The following GSE1 variants were observed in gnomAD, a reference collection of about 807,000 sequenced individuals.
GSE1 encodes Gse1 coiled-coil protein.
Under a neutral mutation model 112.6 loss-of-function variants are expected in GSE1, and 32 were observed. The observed-to-expected ratio is 0.28, with a 90% CI of 0.21 to 0.38. The LOEUF is 0.38. GSE1 is among the 10% of genes least tolerant of loss of function. The probability of loss-of-function intolerance (pLI) is 1.00; values close to 1 mark genes in which losing one functional copy is unlikely to be tolerated. For synonymous variants in GSE1, 1,115 were observed against 735.6 expected (o/e 1.52, Z -8.35); for missense variants, 2,348 against 1,699.2 (o/e 1.38, Z -6.71).
chr16:85,475,776 CTTTT>C (rs57562071), intron 2 of GSE1, among the ~76,000 whole-genome samples: 4 of 145,912 alleles, frequency 2.7e-5, no homozygotes, highest in South Asian at 2.2e-4. Context: ...AATTGTTTTT[CTTTT>C]TTTTTTTTTT....
chr16:85,629,774 C>T (rs573185217), intron 1 of GSE1, among the ~76,000 whole-genome samples: 3 of 152,306 alleles, frequency 2.0e-5, no homozygotes, highest in South Asian at 4.2e-4. Context: ...GATGCAGAGT[C>T]TCTGTGTGCA....
intron 1 of GSE1, among the ~76,000 whole-genome samples, chr16:85,574,427 A>T (rs2046135554): frequency 6.6e-6 from 1 of 151,892 alleles, no homozygotes. Context: ...TCTGCAATCC[A>T]CCTGTCTGCT....
At chr16:85,537,585 C>T (rs1479545135) in intron 2 of GSE1, among the ~76,000 whole-genome samples, 1 of 152,182 alleles carries the variant, frequency 6.6e-6, no homozygotes, top group Non-Finnish European at 1.5e-5. Flanking sequence ...GCTTCCAGAG[C>T]CATAGGGCTC....
At chr16:85,482,007 G>C (rs2050695684) in intron 2 of GSE1, among the ~76,000 whole-genome samples, 2 of 152,268 alleles carry the variant, frequency 1.3e-5, no homozygotes, top group East Asian at 3.8e-4. Context: ...TACGCCCCTT[G>C]CAGGCGGGCC....
chr16:85,650,384 C>G (rs913604998), intron 3 of GSE1, among the ~76,000 whole-genome samples: 1 of 152,148 alleles, frequency 6.6e-6, no homozygotes, highest in African/African-American at 2.4e-5. Context: ...TGCCAGCGCC[C>G]GCAGCTCATG....
At chr16:85,326,357 T>A (rs141323044) in intron 1 of GSE1, among the ~76,000 whole-genome samples, 1 of 152,194 alleles carries the variant, frequency 6.6e-6, no homozygotes, top group Non-Finnish European at 1.5e-5. Context: ...AAAATGGGGA[T>A]GATTGTTGTT....
At chr16:85,468,317 T>A in intron 2 of GSE1, among the ~76,000 whole-genome samples, 1 of 146,700 alleles carries the variant, frequency 6.8e-6, no homozygotes, top group Non-Finnish European at 1.5e-5. Context: ...CTTTCCTTTT[T>A]TTTTTTTTTT....
At chr16:85,193,723 T>G (rs2074873016) in intron 1 of GSE1, among the ~76,000 whole-genome samples, 1 of 152,204 alleles carries the variant, frequency 6.6e-6, no homozygotes, top group African/African-American at 2.4e-5. Context: ...CCTCCCAAAG[T>G]GCTGGGATTA....
intron 2 of GSE1, among the ~76,000 whole-genome samples, chr16:85,548,010 G>A (rs930840718): frequency 5.3e-5 from 8 of 151,764 alleles, no homozygotes; most frequent in African/African-American, 1.2e-4. Flanking sequence ...GGCGGATCAC[G>A]AGGTCAGGAT....
rs538778338 is a variant in GSE1, at chr16:85,276,590, C to T, written c.2284-80873C>T. Among the ~76,000 whole-genome samples the T allele has an allele frequency of 2.6e-5, 4 of 152,308 alleles. No homozygotes were observed. The South Asian group carries it at 8.3e-4, about 32-fold the overall frequency. ...GTTTAATCCAGAAAGGGCCCGGGTTCGGGGTGACCTCCCCGTGATGACCAT... is the reference window on the plus strand; with the variant it reads ...GTTTAATCCAGAAAGGGCCCGGGTTTGGGGTGACCTCCCCGTGATGACCAT... On this transcript the variant is annotated intron_variant, in intron 1 of 2. Transcript: ENST00000637419.
At chr16:85,521,526 G>GT (rs2052185375) in intron 2 of GSE1, among the ~76,000 whole-genome samples, 1 of 152,252 alleles carries the variant, frequency 6.6e-6, no homozygotes, top group African/African-American at 2.4e-5. Context: ...ACCTGCAGCA[G>GT]TTCAGCTCTG....
intron 7 of GSE1, 136 bp downstream of exon 7, chr16:85,656,801 G>C (rs761469981): frequency 9.6e-5 from 120 of 1,254,008 alleles, no homozygotes; most frequent in Non-Finnish European, 1.3e-4. Flanking sequence ...TGGTGTGGCT[G>C]AACATGGAGT....
chr16:85,487,450 G>A (rs373474193), intron 2 of GSE1, among the ~76,000 whole-genome samples: 2 of 152,206 alleles, frequency 1.3e-5, no homozygotes, highest in African/African-American at 4.8e-5. Context: ...CACCTGGGCA[G>A]GCCGATTTCA....
chr16:85,647,527 C>T (rs2050974292), intron 2 of GSE1, among the ~76,000 whole-genome samples: 2 of 152,208 alleles, frequency 1.3e-5, no homozygotes, highest in African/African-American at 4.8e-5. Context: ...GCCATTTGGG[C>T]TTCCTCAGCC....
intron 2 of GSE1, among the ~76,000 whole-genome samples, chr16:85,453,723 T>A (rs1364253638): frequency 6.6e-6 from 1 of 152,080 alleles, no homozygotes; most frequent in Non-Finnish European, 1.5e-5. Context: ...GGATCCTACT[T>A]CATCCAGCGC....
rs370294206 is a variant in GSE1, at chr16:85,562,583, G to A, written c.37+6220G>A. 1.2e-4 allele frequency among the ~76,000 whole-genome samples: 19 copies of A among 152,378 alleles called. 1 individual carries two copies. In the South Asian group the frequency reaches 3.5e-3, roughly 28 times the overall value. Reference sequence around the variant, plus strand: ...TCCTTCTACGCAGGGGAAAGTGCAGGGTGGGAGCGGCAGGTGGCCCAAGCC... The same window carrying A: ...TCCTTCTACGCAGGGGAAAGTGCAGAGTGGGAGCGGCAGGTGGCCCAAGCC... On this transcript the variant is annotated intron_variant, in intron 1 of 2. Transcript: ENST00000635906.
At chr16:85,606,632 C>T (rs879316903), upstream of GSE1, among the ~76,000 whole-genome samples, 45 of 152,228 alleles carry the variant, frequency 3.0e-4, no homozygotes, top group Admixed American at 2.6e-3. Context: ...GAGCCAGGCC[C>T]ACCACCAGGG....
intron 2 of GSE1, among the ~76,000 whole-genome samples, chr16:85,493,907 C>G (rs1597946190): frequency 6.6e-6 from 1 of 151,674 alleles, no homozygotes; most frequent in East Asian, 1.9e-4. Flanking sequence ...TAAGTGAGAC[C>G]TTGTCTCTAC....
intron 1 of GSE1, among the ~76,000 whole-genome samples, chr16:85,302,557 C>T (rs2045557731): frequency 6.6e-6 from 1 of 151,976 alleles, no homozygotes; most frequent in Non-Finnish European, 1.5e-5. Context: ...GTTGTGCTTT[C>T]CTGCGCTGAT....
Sources: gnomAD v4.1 joint callset for allele counts (sites outside exome capture counted in the v4.1 genomes callset) on GRCh38, gnomAD v4.1.1 for gene constraint, MANE v1.5 for transcripts, NCBI Gene and HGNC (gene_info 2026-07-23, HGNC 2026-07-21) for gene names.